Variants in ZBTB16 observed in about 807,000 individuals in gnomAD.
The protein encoded by ZBTB16 is zinc finger and BTB domain-containing protein 16.
A neutral mutation model predicts 56.8 loss-of-function variants in ZBTB16; 8 were observed. That is an observed-to-expected ratio of 0.14 (90% CI 0.08 to 0.25). The LOEUF is 0.25. ZBTB16 is among the 10% of genes least tolerant of loss of function. The pLI is 1.00. For synonymous variants in ZBTB16, 363 were observed against 368.5 expected (o/e 0.98, Z 0.17); for missense variants, 625 against 903.0 (o/e 0.69, Z 3.95).
intron 3 of ZBTB16, among the ~76,000 whole-genome samples, chr11:114,179,397 G>A (rs1227521101): frequency 6.6e-6 from 1 of 152,168 alleles, no homozygotes; most frequent in Non-Finnish European, 1.5e-5. Context: ...TTCTCCGTCT[G>A]ATAAGAGGTA....
intron 2 of ZBTB16, among the ~76,000 whole-genome samples, chr11:114,109,513 C>G (rs565865522): frequency 1.3e-5 from 2 of 152,104 alleles, no homozygotes; most frequent in African/African-American, 4.8e-5. Flanking sequence ...ACAATGAGGC[C>G]GAGATGTTTT....
In ZBTB16 at chr11:114,167,244, T is replaced by TTG. The variant is rs1555147504; in HGVS notation, c.1366+10811_1366+10812insGT. Among the ~76,000 whole-genome samples, 1,324 of 139,700 alleles carry TTG rather than the reference T, an allele frequency of 9.5e-3. 46 individuals carry two copies. The highest frequency in any genetic ancestry group is 0.017 in the Non-Finnish European group (1,100 of 64,692). 91.6% of individuals were successfully genotyped at this position (139,700 alleles called of 152,430 possible). ...TTTTTTTTTTTTGGTTTTTTTTTTT[T>TTG]TTTTTTTTTGACAAGCTTGGTTTTC... On this transcript the variant is annotated intron_variant, in intron 3 of 6. Transcript: ENST00000335953.
In ZBTB16 at chr11:114,060,181, G is replaced by A. The variant is rs1272291170; in HGVS notation, c.-91+299G>A. 6.9e-5 allele frequency: 12 copies of A among 175,182 alleles called. No individual in the cohort carries two copies. The highest frequency in any genetic ancestry group is 1.2e-4 in the Non-Finnish European group (10 of 83,562). 10.9% of individuals were successfully genotyped at this position (175,182 alleles called of 1,614,324 possible). A position where few individuals can be genotyped will look rare whatever the true frequency, so the allele number is the denominator to read the frequency against. The stretch of plus-strand genomic sequence containing the variant: ...GGCGTAGCGGTGTGCGGGGGCTGAG[G>A]GCGTGAGCAGAGGGGTCGGGGATCC... On this transcript the variant is annotated intron_variant, in intron 1 of 6. Coordinates refer to ENST00000335953, the MANE Select transcript of ZBTB16 (RefSeq NM_006006.6). The surrounding 1 kb of genome is among the most constrained non-coding windows in gnomAD (Gnocchi z 6.0).
At chr11:114,151,862 T>C (rs1490520116) in intron 2 of ZBTB16, among the ~76,000 whole-genome samples, 2 of 152,208 alleles carry the variant, frequency 1.3e-5, no homozygotes, top group Admixed American at 1.3e-4. Context: ...TCAGCTGTTG[T>C]GGTCAGCTCT....
intron 2 of ZBTB16, among the ~76,000 whole-genome samples, chr11:114,114,176 A>T (rs1941103311): frequency 6.6e-6 from 1 of 152,232 alleles, no homozygotes; most frequent in Non-Finnish European, 1.5e-5. Flanking sequence ...TTTCTGGAGA[A>T]CATGTCCCTG....
At chr11:114,235,629 C>CTTT (rs1944551537) in intron 4 of ZBTB16, among the ~76,000 whole-genome samples, 15 of 97,846 alleles carry the variant, frequency 1.5e-4, no homozygotes, top group South Asian at 4.1e-4. Flanking sequence ...CCTCTCCCTT[C>CTTT]CTTTCTTTCT....
Position 114,063,861 on chromosome 11 carries a change from C to T in ZBTB16, c.561C>T (p.Val187=). ...CCATGGTGGACCAGAGCCCTTCAGT[C>T]TCCACTTCATTTGGTCTTTCAGCCA... ...PGPMVDQSPS[V]STSFGLSAMS... Residue 187 remains valine (V), a synonymous_variant, in exon 2 of 7, where the codon GTC becomes GTT. Transcript: ENST00000335953. The surrounding 1 kb of genome is among the most constrained non-coding windows in gnomAD (Gnocchi z 6.5). 1 of 1,614,176 alleles carries T rather than the reference C, an allele frequency of 6.2e-7. No homozygotes were observed. The highest frequency in any genetic ancestry group is 8.5e-7 in the Non-Finnish European group (1 of 1,180,040).
At chr11:114,241,796 G>T (rs1295218055) in intron 4 of ZBTB16, among the ~76,000 whole-genome samples, 3 of 152,092 alleles carry the variant, frequency 2.0e-5, no homozygotes, top group Non-Finnish European at 4.4e-5. Flanking sequence ...TTCTCGCAGG[G>T]TCTACCTTGC....
chr11:114,138,007 C>A (rs1285992484), intron 2 of ZBTB16, among the ~76,000 whole-genome samples: 1 of 152,154 alleles, frequency 6.6e-6, no homozygotes, highest in Non-Finnish European at 1.5e-5. Context: ...AAGGCGTGGG[C>A]TGTGGGGCCC....
At chr11:114,146,724 C>G (rs945203483) in intron 2 of ZBTB16, among the ~76,000 whole-genome samples, 1 of 151,852 alleles carries the variant, frequency 6.6e-6, no homozygotes, top group Non-Finnish European at 1.5e-5. Flanking sequence ...TGGCTCATGC[C>G]TGTAGTCTCA....
intron 4 of ZBTB16, among the ~76,000 whole-genome samples, chr11:114,192,559 A>G (rs1010863308): frequency 4.6e-5 from 7 of 152,094 alleles, no homozygotes; most frequent in African/African-American, 1.7e-4. Context: ...TGAGTGGAAA[A>G]CATGCCTCCT....
chr11:114,163,255 C>T (rs1371418664), intron 3 of ZBTB16, among the ~76,000 whole-genome samples: 1 of 130,574 alleles, frequency 7.7e-6, no homozygotes, highest in Non-Finnish European at 1.6e-5. Flanking sequence ...TAAACTGAGA[C>T]CAGAAGAATA....
intron 4 of ZBTB16, among the ~76,000 whole-genome samples, chr11:114,217,931 C>T (rs1429231272): frequency 6.6e-6 from 1 of 152,174 alleles, no homozygotes. Context: ...GTGGGGATCC[C>T]TGCAGATAGA....
intron 2 of ZBTB16, among the ~76,000 whole-genome samples, chr11:114,067,637 C>A (rs561577415): frequency 1.3e-5 from 2 of 152,124 alleles, no homozygotes; most frequent in African/African-American, 4.8e-5. Flanking sequence ...GAACTCCTGG[C>A]CTTAAGTGAT....
At chr11:114,068,781 T>C (rs1220614497) in intron 2 of ZBTB16, among the ~76,000 whole-genome samples, 1 of 152,194 alleles carries the variant, frequency 6.6e-6, no homozygotes, top group East Asian at 1.9e-4. Flanking sequence ...CAGTTCTGCA[T>C]GTAGGCTTCT....
At chr11:114,097,215 A>G (rs1323386966) in intron 2 of ZBTB16, among the ~76,000 whole-genome samples, 3 of 152,254 alleles carry the variant, frequency 2.0e-5, no homozygotes, top group Admixed American at 6.5e-5. Flanking sequence ...CAGATAGTGT[A>G]TGGTGCCATC....
chr11:114,098,544 A>T (rs1388088952), intron 2 of ZBTB16, among the ~76,000 whole-genome samples: 2 of 147,458 alleles, frequency 1.4e-5, no homozygotes, highest in Non-Finnish European at 3.0e-5. Flanking sequence ...CTTAAATTAA[A>T]AAAAAAAAAA....
intron 2 of ZBTB16, among the ~76,000 whole-genome samples, chr11:114,124,121 T>C (rs1197088852): frequency 6.6e-6 from 1 of 152,176 alleles, no homozygotes; most frequent in Non-Finnish European, 1.5e-5. Context: ...CTGATTCTCT[T>C]TGTGACTCTT....
intron 3 of ZBTB16, among the ~76,000 whole-genome samples, chr11:114,179,280 T>TAG (rs113097570): frequency 0.012 from 1,860 of 149,618 alleles, 33 homozygotes; most frequent in African/African-American, 0.038. Context: ...GAGAGAGAGC[T>TAG]AGAGAGAGAG....
Sources: allele counts gnomAD v4.1 joint callset (sites outside exome capture counted in the v4.1 genomes callset), GRCh38; gene constraint gnomAD v4.1.1; non-coding constraint Gnocchi (gnomAD v3.1); transcripts MANE v1.5; gene names NCBI Gene and HGNC (gene_info 2026-07-23, HGNC 2026-07-21).